The following PTK2B variants were observed in gnomAD, a reference collection of about 807,000 sequenced individuals.
PTK2B encodes protein tyrosine kinase 2 beta.
Under a neutral mutation model 142.9 loss-of-function variants are expected in PTK2B, and 71 were observed. The observed-to-expected ratio is 0.50, with a 90% CI of 0.41 to 0.61. PTK2B has a LOEUF of 0.61. Ranked by LOEUF, PTK2B falls within the 20% of genes least tolerant of loss-of-function variation. PTK2B has a pLI of 0.00. For missense variants in PTK2B, 1,105 were observed against 1,320.4 expected (o/e 0.84, Z 2.53); for synonymous variants, 519 against 503.4 (o/e 1.03, Z -0.42).
At chr8:27,351,040 T>TATATAC (rs1563211405) in intron 1 of PTK2B, among the ~76,000 whole-genome samples, 3 of 97,956 alleles carry the variant, frequency 3.1e-5, no homozygotes, top group African/African-American at 9.4e-5. Context: ...TATATATATA[T>TATATAC]ACGTGCTTGG....
At position 27,453,147 on chromosome 8, in the gene PTK2B, G is replaced by A. The variant is rs760738792; in HGVS notation, c.2582G>A (p.Arg861Lys). The stretch of plus-strand genomic sequence containing the variant: ...ACAGGGCCCCCACAGAAGCCCCCGA[G>A]GCTGGGCGCACAGGTATGTGTTGGC... Reference protein sequence around the residue: ...EFTGPPQKPPRLGAQSIQPTA... With the variant: ...EFTGPPQKPPKLGAQSIQPTA... Residue 861 changes from arginine (R) to lysine (K), a missense_variant, in exon 28 of 31, where the codon AGG (arginine) becomes AAG (lysine). By Grantham distance (26) the Arg-to-Lys change is conservative. Transcript: ENST00000346049. 5 of 1,614,178 alleles carry A rather than the reference G, an allele frequency of 3.1e-6. No individual in the cohort carries two copies. In the South Asian group the frequency reaches 5.5e-5, roughly 18 times the overall value.
At chr8:27,349,257 G>T (rs992522868) in intron 1 of PTK2B, among the ~76,000 whole-genome samples, 1 of 152,036 alleles carries the variant, frequency 6.6e-6, no homozygotes, top group Non-Finnish European at 1.5e-5. Flanking sequence ...TTTGTTTTTT[G>T]GTCTTAACTG....
chr8:27,418,437 G>T (rs1809534425), intron 2 of PTK2B, among the ~76,000 whole-genome samples: 1 of 152,206 alleles, frequency 6.6e-6, no homozygotes, highest in Non-Finnish European at 1.5e-5. Flanking sequence ...TTCCAATTAA[G>T]GAACTGATTA....
rs1404286210 is a variant in PTK2B at position 27,430,108 on chromosome 8, T to C, written c.567T>C (p.Asp189=). 9 of 1,613,962 alleles carry C rather than the reference T, an allele frequency of 5.6e-6. No homozygotes were observed. The South Asian group carries it at 8.8e-5, about 16-fold the overall frequency. ...GCLELRRFFK[D]MPHNALDKKS... ...ATTTCTCCAGGCGGTTCTTCAAGGA[T>C]ATGCCCCACAATGCACTTGACAAGA... The change falls in exon 6 of 31, where the codon GAT becomes GAC. Residue 189 remains aspartate, a synonymous_variant. Transcript: ENST00000346049.
intron 3 of PTK2B, among the ~76,000 whole-genome samples, chr8:27,316,285 A>G (rs879530883): frequency 1.3e-5 from 2 of 149,902 alleles, no homozygotes; most frequent in Non-Finnish European, 1.5e-5. Context: ...AAAGGAGGAA[A>G]TTGCCTTGTT....
In PTK2B at chr8:27,427,254, A is replaced by G. The variant is rs182116780; in HGVS notation, c.552-2839A>G. 2.0e-5 allele frequency among the ~76,000 whole-genome samples: 3 copies of G among 152,324 alleles called. No homozygotes were observed. In the East Asian group the frequency reaches 5.8e-4, roughly 29 times the overall value. On this transcript the variant is annotated intron_variant, in intron 5 of 30. Transcript: ENST00000346049. The stretch of plus-strand genomic sequence containing the variant: ...GGTGTCAATTACAAGCAGTGTGACC[A>G]TCTGCTCTTCCCATCAAGCCAGCCT...
chr8:27,420,893 C>T (rs1809705325), intron 4 of PTK2B, 149 bp downstream of exon 4: 1 of 708,352 alleles, frequency 1.4e-6, no homozygotes. Context: ...GGTCCTTGGT[C>T]TATGGTCCGC....
intron 1 of PTK2B, among the ~76,000 whole-genome samples, chr8:27,379,675 T>A (rs189656373): frequency 6.6e-6 from 1 of 152,358 alleles, no homozygotes; most frequent in East Asian, 1.9e-4. Context: ...TCCTCATTAC[T>A]TACCTTTTAG....
At chr8:27,430,319 G>A (rs755951058) in intron 6 of PTK2B, 45 bp from the exon 7 acceptor site, 43 of 1,612,974 alleles carry the variant, frequency 2.7e-5, no homozygotes, top group Admixed American at 8.3e-5. Flanking sequence ...TCCTGTGGTG[G>A]GGGTGAGGGG....
At chr8:27,367,359 C>T (rs927357175) in intron 1 of PTK2B, among the ~76,000 whole-genome samples, 2 of 152,180 alleles carry the variant, frequency 1.3e-5, no homozygotes, top group African/African-American at 4.8e-5. Flanking sequence ...CCAGAAAGTC[C>T]ATCTGGACTG....
intron 10 of PTK2B, 106 bp downstream of exon 10, chr8:27,432,467 A>AAGCTCCTG: frequency 2.0e-6 from 2 of 1,018,434 alleles, no homozygotes; most frequent in Non-Finnish European, 2.9e-6. Context: ...GGAAGCCAGG[A>AAGCTCCTG]GCTTCCTGGC....
At chr8:27,356,020 CAA>C (rs771855049) in intron 1 of PTK2B, among the ~76,000 whole-genome samples, 11 of 106,336 alleles carry the variant, frequency 1.0e-4, no homozygotes, top group Admixed American at 1.9e-4. Flanking sequence ...AAGACTGTCT[CAA>C]AAAAAAAAAA....
chr8:27,434,276 C>T, intron 12 of PTK2B, 144 bp downstream of exon 12: 1 of 1,145,834 alleles, frequency 8.7e-7, no homozygotes, highest in East Asian at 2.5e-5. Context: ...TCTTTCCCTC[C>T]CAATAAATAC....
intron 17 of PTK2B, 22 bp from the exon 18 acceptor site, chr8:27,437,743 T>C: frequency 6.3e-7 from 1 of 1,595,768 alleles, no homozygotes; most frequent in South Asian, 1.1e-5. Context: ...GGGGTCTTGA[T>C]GGCACCTCCC....
At chr8:27,389,802 A>T (rs1365555788) in intron 1 of PTK2B, among the ~76,000 whole-genome samples, 2 of 152,236 alleles carry the variant, frequency 1.3e-5, no homozygotes, top group Non-Finnish European at 2.9e-5. Context: ...GCCCTGGAGC[A>T]GGCAGAATGC....
Position 27,370,545 on chromosome 8 carries a change from A to C in PTK2B, c.-37-27003A>C, listed in dbSNP as rs6993847. ...CTCTTGTCCCTTACCTGTGGTTGGT[A>C]TGATTTCCCTTTTGTAAAATATGCC... is the stretch of plus-strand genomic sequence containing the variant. On this transcript the variant is annotated intron_variant, in intron 1 of 30. Coordinates refer to ENST00000346049, the MANE Select transcript of PTK2B (RefSeq NM_173176.3). Among the ~76,000 whole-genome samples the C allele has an allele frequency of 6.7e-3, 1,020 of 152,228 alleles. 8 individuals carry two copies. Among genetic ancestry groups the C allele is most frequent in the African/African-American group, 0.022 (933 of 41,528 alleles).
At chr8:27,409,730 T>C (rs1808941809) in intron 2 of PTK2B, among the ~76,000 whole-genome samples, 1 of 152,194 alleles carries the variant, frequency 6.6e-6, no homozygotes, top group African/African-American at 2.4e-5. Context: ...GCAAGACTTA[T>C]TTTTATTTTT....
chr8:27,431,854 G>A (rs1240938645), intron 9 of PTK2B, among the ~76,000 whole-genome samples: 2 of 152,186 alleles, frequency 1.3e-5, no homozygotes, highest in African/African-American at 4.8e-5. Flanking sequence ...AGCAAGTCCT[G>A]GCTTTCTCTA....
At chr8:27,426,758 T>C (rs1810109246) in intron 5 of PTK2B, among the ~76,000 whole-genome samples, 1 of 152,158 alleles carries the variant, frequency 6.6e-6, no homozygotes, top group Admixed American at 6.5e-5. Context: ...ATTCAGGAGA[T>C]TGGGGTGACC....
Sources: allele counts gnomAD v4.1 joint callset (sites outside exome capture counted in the v4.1 genomes callset), GRCh38; gene constraint gnomAD v4.1.1; transcripts MANE v1.5; gene names NCBI Gene and HGNC (gene_info 2026-07-23, HGNC 2026-07-21).